The following CENPC variants were observed in gnomAD, a reference collection of about 807,000 sequenced individuals.
The protein encoded by CENPC is centromere protein C.
In CENPC, 63 loss-of-function variants were observed where a neutral mutation model predicts 112.1. The observed-to-expected ratio is 0.56, with a 90% CI of 0.46 to 0.69. CENPC has a LOEUF of 0.69. Among genes scored for constraint, CENPC ranks in the 30% least tolerant of loss-of-function variants. CENPC has a pLI of 0.00. For missense variants in CENPC, 1,000 were observed against 1,103.8 expected (o/e 0.91, Z 1.33); for synonymous variants, 333 against 367.6 (o/e 0.91, Z 1.08).
chr4:67,495,306 T>C, intron 12 of CENPC, 94 bp from the exon 13 acceptor site: 1 of 1,175,594 alleles, frequency 8.5e-7, no homozygotes, highest in Non-Finnish European at 1.2e-6. Flanking sequence ...ATGAGTATTT[T>C]AAATAAAGTT....
chr4:67,516,641 A>C lies in CENPC; in HGVS notation c.830+1515T>G, dbSNP rs2109807438. Among the ~76,000 whole-genome samples the C allele has an allele frequency of 1.3e-5, 2 of 152,146 alleles. 1 individual carries two copies. Among genetic ancestry groups the C allele is most frequent in the Middle Eastern group, 6.8e-3 (2 of 294 alleles). ...CTTATATAATTAGAAAACTCTATAA[A>C]AACTAATAAAGAACAAAGTCAATAC... On this transcript the variant is annotated intron_variant, in intron 7 of 18. Coordinates refer to ENST00000273853, the MANE Select transcript of CENPC (RefSeq NM_001812.4).
rs907923865 is a variant in CENPC at position 67,528,360 on chromosome 4, A to G, written c.331+2455T>C. Reference sequence around the variant, plus strand: ...AAATTTACAATATTAACCATTTATGAGTGTACAATTTAATGGCATTAAGTA... The same window carrying G: ...AAATTTACAATATTAACCATTTATGGGTGTACAATTTAATGGCATTAAGTA... On this transcript the variant is annotated intron_variant, in intron 5 of 18. Coordinates refer to ENST00000273853, the MANE Select transcript of CENPC (RefSeq NM_001812.4). Among the ~76,000 whole-genome samples the G allele has an allele frequency of 1.1e-4, 16 of 152,298 alleles. No homozygotes were observed. The East Asian group carries it at 3.1e-3, about 29-fold the overall frequency.
chr4:67,488,984 CAA>C (rs1025330839), intron 17 of CENPC, among the ~76,000 whole-genome samples: 58 of 151,790 alleles, frequency 3.8e-4, no homozygotes, highest in African/African-American at 1.3e-3. Flanking sequence ...AGTTTGTTGG[CAA>C]AGAGAATCAT....
chr4:67,489,677 G>A (rs1725186313), intron 17 of CENPC, among the ~76,000 whole-genome samples: 1 of 151,918 alleles, frequency 6.6e-6, no homozygotes, highest in Non-Finnish European at 1.5e-5. Context: ...ATCCCCCCCA[G>A]CACTAAAATT....
intron 5 of CENPC, among the ~76,000 whole-genome samples, chr4:67,521,734 C>G (rs1379146701): frequency 2.0e-5 from 3 of 152,158 alleles, no homozygotes; most frequent in Non-Finnish European, 2.9e-5. Context: ...CCCAAGTGCC[C>G]ATCAACAGAT....
intron 17 of CENPC, among the ~76,000 whole-genome samples, chr4:67,488,428 A>T (rs1329331931): frequency 6.6e-6 from 1 of 152,032 alleles, no homozygotes; most frequent in East Asian, 1.9e-4. Context: ...ACATATGTTC[A>T]GCACCCCTCA....
Position 67,506,782 on chromosome 4 carries a change from G to C in CENPC, c.2051+6C>G. On this transcript the variant is annotated splice_donor_region_variant and intron_variant, in intron 11 of 18. Transcript: ENST00000273853. ...TACAACTATTATCCTTACAATACAC[G>C]CATACCTTTCCTCTAAAACTGAAGT... is the stretch of plus-strand genomic sequence containing the variant. 6.3e-7 allele frequency: 1 copy of C among 1,582,020 alleles called. No individual in the cohort carries two copies. The highest frequency in any genetic ancestry group is 8.6e-7 in the Non-Finnish European group (1 of 1,163,870).
chr4:67,538,089 T>C (rs757950740), intron 4 of CENPC, among the ~76,000 whole-genome samples: 2 of 152,202 alleles, frequency 1.3e-5, no homozygotes, highest in African/African-American at 4.8e-5. Flanking sequence ...TAGTGGTTCA[T>C]AAAAACACTT....
intron 9 of CENPC, chr4:67,510,968 T>C (rs1245518007): frequency 2.2e-6 from 1 of 455,154 alleles, no homozygotes; most frequent in African/African-American, 2.0e-5. Context: ...TGTAAGAATT[T>C]ATTTACCCAT....
At chr4:67,476,354 G>A (rs902414847) in intron 17 of CENPC, among the ~76,000 whole-genome samples, 21 of 152,182 alleles carry the variant, frequency 1.4e-4, no homozygotes, top group Admixed American at 1.3e-3. Context: ...AGTGTGAAAG[G>A]GGGGAAAGTC....
chr4:67,492,241 A>C lies in CENPC; in HGVS notation c.2454T>G (p.Leu818=). ...TNLMVNLGIP[L]GDPLQPTRVK... is the part of the protein sequence containing the mutation. ...CCCTCGTTGGCTGCAAAGGATCTCC[A>C]AGAGGTATACCTAGATTTACCATTA... The change falls in exon 16 of 19, where the codon CTT becomes CTG. Residue 818 remains leucine (L), a synonymous_variant. Coordinates refer to ENST00000273853, the MANE Select transcript of CENPC (RefSeq NM_001812.4). 6.4e-7 allele frequency: 1 copy of C among 1,567,450 alleles called. No homozygotes were observed. The highest frequency in any genetic ancestry group is 8.7e-7 in the Non-Finnish European group (1 of 1,153,896).
chr4:67,501,456 T>A (rs1725588156), intron 12 of CENPC, among the ~76,000 whole-genome samples: 1 of 152,198 alleles, frequency 6.6e-6, no homozygotes, highest in Non-Finnish European at 1.5e-5. Context: ...GGCACACATT[T>A]GATCATGAGT....
chr4:67,519,721 T>C (rs1476067705), intron 5 of CENPC, among the ~76,000 whole-genome samples: 2 of 152,142 alleles, frequency 1.3e-5, no homozygotes, highest in Non-Finnish European at 2.9e-5. Flanking sequence ...CTAGATGATA[T>C]ATTTACACAT....
intron 11 of CENPC, 94 bp from the exon 12 acceptor site, chr4:67,505,378 A>T: frequency 2.7e-6 from 2 of 729,488 alleles, no homozygotes; most frequent in Non-Finnish European, 4.6e-6. Flanking sequence ...TAAAACTGCC[A>T]TAAGTCTTTC....
chr4:67,494,732 T>G (rs1725383795), intron 13 of CENPC, among the ~76,000 whole-genome samples: 1 of 152,214 alleles, frequency 6.6e-6, no homozygotes, highest in Admixed American at 6.5e-5. Context: ...AATCTTTACA[T>G]GGGCCTCTCC....
intron 12 of CENPC, among the ~76,000 whole-genome samples, chr4:67,504,199 C>T (rs928602722): frequency 2.7e-5 from 4 of 149,780 alleles, no homozygotes; most frequent in Non-Finnish European, 3.0e-5. Context: ...TCTTAAATAA[C>T]TGCTGGGTCA....
Position 67,530,982 on chromosome 4 carries a change from T to C in CENPC, c.232-68A>G, listed in dbSNP as rs969725443. 21 of 727,488 alleles carry C rather than the reference T, an allele frequency of 2.9e-5. No individual in the cohort carries two copies. In the South Asian group the frequency reaches 3.4e-4, roughly 12 times the overall value. The allele number at this position is 727,488 out of a possible 1,614,324, so 45.1% of individuals were successfully genotyped here. ...TTACCAATTCAATGAAATATATTTG[T>C]TTTTTAAATGGGGGGAAAAACAAGT... is the stretch of plus-strand genomic sequence containing the variant. On this transcript the variant is annotated intron_variant, in intron 4 of 18. Coordinates refer to ENST00000273853, the MANE Select transcript of CENPC (RefSeq NM_001812.4).
At position 67,508,810 on chromosome 4, in the gene CENPC, T is replaced by C. The variant is rs758414536; in HGVS notation, c.1904+4A>G. On this transcript the variant is annotated splice_donor_region_variant and intron_variant, in intron 10 of 18. Coordinates refer to ENST00000273853, the MANE Select transcript of CENPC (RefSeq NM_001812.4). ...AACTATATTGTACACATAACAGACATTACCTAGAACAATCAAGATTTTTCT... is the reference window on the plus strand; with the variant it reads ...AACTATATTGTACACATAACAGACACTACCTAGAACAATCAAGATTTTTCT... 1 of 1,611,536 alleles carries C rather than the reference T, an allele frequency of 6.2e-7. No homozygotes were observed. The highest frequency in any genetic ancestry group is 1.1e-5 in the South Asian group (1 of 90,878).
At chr4:67,515,574 T>C (rs974760570) in intron 7 of CENPC, among the ~76,000 whole-genome samples, 4 of 151,872 alleles carry the variant, frequency 2.6e-5, no homozygotes, top group South Asian at 2.1e-4. Flanking sequence ...ACACAGACGG[T>C]TGAATGAATG....
Sources: allele counts gnomAD v4.1 joint callset (sites outside exome capture counted in the v4.1 genomes callset), GRCh38; gene constraint gnomAD v4.1.1; transcripts MANE v1.5; gene names NCBI Gene and HGNC (gene_info 2026-07-23, HGNC 2026-07-21).